The following POLR2F variants were observed in gnomAD, a reference collection of about 807,000 sequenced individuals.
POLR2F encodes the protein DNA-directed RNA polymerases I, II, and III subunit RPABC2.
A neutral mutation model predicts 22.7 loss-of-function variants in POLR2F; 12 were observed. The ratio of observed to expected loss-of-function variants is 0.53; its 90% CI spans 0.34 to 0.86. The LOEUF (loss-of-function observed/expected upper bound fraction) is 0.86, where lower values mean the gene tolerates loss of function less well. Among genes scored for constraint, POLR2F ranks in the 40% least tolerant of loss-of-function variants. POLR2F has a pLI of 0.02. For synonymous variants in POLR2F, 57 were observed against 66.0 expected (o/e 0.86, Z 0.66); for missense variants, 126 against 171.5 (o/e 0.73, Z 1.48).
chr22:37,978,032 G>A lies in POLR2F; in HGVS notation c.293+10862G>A, dbSNP rs1932277071. 1.9e-6 allele frequency: 3 copies of A among 1,610,866 alleles called. No individual in the cohort carries two copies. The highest frequency in any genetic ancestry group is 2.5e-6 in the Non-Finnish European group (3 of 1,179,246). On this transcript the variant is annotated intron_variant, in intron 4 of 4. Transcript: ENST00000405557. This position sits in a 1 kb window ranked among gnomAD's most constrained non-coding sequence, Gnocchi z 5.0. ...CCCTGGGCGGCCTTCCCGTTCTTCCGCCGCCTGGGCTGGTACTTGTAGTCC... is the reference window on the plus strand; with the variant it reads ...CCCTGGGCGGCCTTCCCGTTCTTCCACCGCCTGGGCTGGTACTTGTAGTCC...
At chr22:38,015,549 C>G (rs971796760) in intron 1 of POLR2F, among the ~76,000 whole-genome samples, 1 of 152,158 alleles carries the variant, frequency 6.6e-6, no homozygotes, top group East Asian at 1.9e-4. Context: ...TTTTGGGTCC[C>G]CCATCCAAAG....
rs151254240 is a variant in POLR2F, at chr22:37,988,948, G to C, written c.120+2636G>C. On this transcript the variant is annotated intron_variant, in intron 1 of 2. Transcript: ENST00000333418. ...TGCACTGGGAAGGTGGAGGGCCGAC[G>C]GGCACAGGTTAGTGGTCGAGGGCAG... is the stretch of plus-strand genomic sequence containing the variant. 1.1e-3 allele frequency: 164 copies of C among 153,224 alleles called. 1 individual carries two copies. The highest frequency in any genetic ancestry group is 1.4e-3 in the Admixed American group (22 of 15,294). 9.5% of individuals were successfully genotyped at this position (153,224 alleles called of 1,614,324 possible). A position where few individuals can be genotyped will look rare whatever the true frequency, so the allele number is the denominator to read the frequency against.
At chr22:38,020,381 C>T (rs1423389657) in intron 1 of POLR2F, among the ~76,000 whole-genome samples, 1 of 151,788 alleles carries the variant, frequency 6.6e-6, no homozygotes, top group Non-Finnish European at 1.5e-5. Flanking sequence ...TCTCCTCCTT[C>T]AGCTTCCTGA....
intron 3 of POLR2F, among the ~76,000 whole-genome samples, chr22:37,962,117 G>A (rs998660752): frequency 2.6e-5 from 4 of 152,102 alleles, no homozygotes; most frequent in African/African-American, 9.7e-5. Flanking sequence ...TGTAGTCCCA[G>A]CTACTCGGGA....
intron 1 of POLR2F, among the ~76,000 whole-genome samples, chr22:37,996,656 G>A (rs1005596781): frequency 2.0e-5 from 3 of 152,208 alleles, no homozygotes; most frequent in African/African-American, 7.2e-5. Context: ...AGAGCCCTGG[G>A]TGGGACCTGG....
Position 38,004,389 on chromosome 22 carries a change from G to A in POLR2F, c.120+18077G>A, listed in dbSNP as rs549606835. On this transcript the variant is annotated intron_variant, in intron 1 of 2. Transcript: ENST00000333418. ...TTTGAGAACAAGTCAGGCAGTGGCTGGAGTGAAGGACATTGGAAATAGGTG... is the reference window on the plus strand; with the variant it reads ...TTTGAGAACAAGTCAGGCAGTGGCTAGAGTGAAGGACATTGGAAATAGGTG... 2.0e-5 allele frequency among the ~76,000 whole-genome samples: 3 copies of A among 152,270 alleles called. No individual in the cohort carries two copies. In the South Asian group the frequency reaches 6.2e-4, roughly 32 times the overall value.
In POLR2F at chr22:37,965,696, C is replaced by T. The variant is rs567384318; in HGVS notation, c.222-1403C>T. 7.9e-5 allele frequency among the ~76,000 whole-genome samples: 12 copies of T among 152,204 alleles called. No homozygotes were observed. In the East Asian group the frequency reaches 9.6e-4, roughly 12 times the overall value. On this transcript the variant is annotated intron_variant, in intron 3 of 4. Transcript: ENST00000442738. ...TCAGGCTTTTGGGAGTAATATAAAT[C>T]GAAATATTTAGTAATAAAATTAGTA...
In POLR2F at chr22:37,953,724, T is replaced by TTTGCGG; in HGVS notation, c.-64_-63insTTGCGG. On this transcript the variant is annotated 5_prime_UTR_variant, in exon 1 of 5. Transcript: ENST00000442738. Reference sequence around the variant, plus strand: ...AAGCTAGGAGCCGCGCGAGTCGTAGTGTCGCTGTTTGCGGGTCTCCGCGCG... The same window carrying TTTGCGG: ...AAGCTAGGAGCCGCGCGAGTCGTAGTTTGCGGGTCGCTGTTTGCGGGTCTCCGCGCG... 6.3e-7 allele frequency: 1 copy of TTTGCGG among 1,576,956 alleles called. No individual in the cohort carries two copies. The highest frequency in any genetic ancestry group is 1.9e-5 in the Admixed American group (1 of 53,908).
intron 3 of POLR2F, among the ~76,000 whole-genome samples, chr22:37,964,933 C>T (rs1363141089): frequency 6.6e-6 from 1 of 152,096 alleles, no homozygotes; most frequent in African/African-American, 2.4e-5. Context: ...CTTTAGTGCT[C>T]TTTCCACTTA....
intron 1 of POLR2F, among the ~76,000 whole-genome samples, chr22:38,025,090 T>C (rs1199800640): frequency 6.6e-6 from 1 of 152,114 alleles, no homozygotes; most frequent in Non-Finnish European, 1.5e-5. Flanking sequence ...TGTCTCCTGG[T>C]GTCCTGGTCC....
At chr22:37,990,034 C>T (rs1434776678) in intron 1 of POLR2F, among the ~76,000 whole-genome samples, 1 of 152,206 alleles carries the variant, frequency 6.6e-6, no homozygotes, top group Non-Finnish European at 1.5e-5. Context: ...CCTTACTGAA[C>T]AGCCTGGAGG....
rs958435220 is a variant in POLR2F, at chr22:38,017,342, T to C, written c.121-8527T>C. 3.6e-4 allele frequency among the ~76,000 whole-genome samples: 55 copies of C among 152,094 alleles called. No homozygotes were observed. The highest frequency in any genetic ancestry group is 1.2e-3 in the African/African-American group (51 of 41,402). On this transcript the variant is annotated intron_variant, in intron 1 of 2. Coordinates refer to the POLR2F transcript ENST00000333418. This position sits in a 1 kb window ranked among gnomAD's most constrained non-coding sequence, Gnocchi z 4.1. ...CCCTGAACTGCCCCCAGAGTGATCA[T>C]GCTCAATGTCAGCTTGGCTCTTGGG... is the stretch of plus-strand genomic sequence containing the variant.
At chr22:37,954,552 C>A (rs1482180019) in intron 1 of POLR2F, among the ~76,000 whole-genome samples, 1 of 152,158 alleles carries the variant, frequency 6.6e-6, no homozygotes. Flanking sequence ...CCACCCGCCT[C>A]GGCCTCCCAA....
rs1196296509 is a variant in POLR2F, at chr22:37,986,195, G to T, written c.5G>T (p.Trp2Leu). The change falls in exon 1 of 3, where the codon TGG (tryptophan) becomes TTG (leucine). Residue 2 changes from tryptophan to leucine, a missense_variant. Transcript: ENST00000333418. This position sits in a 1 kb window ranked among gnomAD's most constrained non-coding sequence, Gnocchi z 4.7. ...GAACCGCCCGGAGAGGAGCCGCCCT[G>T]GATGGACAGAGGGACGAGGGACGAG... is the stretch of plus-strand genomic sequence containing the variant. 1.3e-6 allele frequency: 2 copies of T among 1,542,954 alleles called. No homozygotes were observed. The highest frequency in any genetic ancestry group is 1.7e-6 in the Non-Finnish European group (2 of 1,147,654).
rs1232121796 is a variant in POLR2F at position 37,986,539 on chromosome 22, G to A, written c.120+227G>A. 3.8e-6 allele frequency: 4 copies of A among 1,057,106 alleles called. No individual in the cohort carries two copies. In the Admixed American group the frequency reaches 6.0e-5, roughly 16 times the overall value. 65.5% of individuals were successfully genotyped at this position (1,057,106 alleles called of 1,614,324 possible). On this transcript the variant is annotated intron_variant, in intron 1 of 2. Transcript: ENST00000333418. This position sits in a 1 kb window ranked among gnomAD's most constrained non-coding sequence, Gnocchi z 4.7. ...CTCCTTGGTCCAGCTGTGCCAGGAT[G>A]GGGGTGGGGGTAGCAGTGGGCACGC...
chr22:38,029,587 G>A (rs901003903), downstream of POLR2F, among the ~76,000 whole-genome samples: 7 of 152,200 alleles, frequency 4.6e-5, no homozygotes, highest in Non-Finnish European at 8.8e-5. Context: ...AGGATGCAGA[G>A]GAGTTTGAGA....
chr22:38,041,262 G>A (rs925679559), downstream of POLR2F: 25 of 1,174,322 alleles, frequency 2.1e-5, no homozygotes, highest in Non-Finnish European at 2.9e-5. Context: ...GGCACAGGGG[G>A]AGGGAGGTTT....
chr22:38,038,833 G>T (rs1194117849), intron 5 of POLR2F, among the ~76,000 whole-genome samples: 3 of 150,530 alleles, frequency 2.0e-5, no homozygotes, highest in African/African-American at 7.3e-5. Context: ...TGACCGTGGC[G>T]GCCGCGGCGC....
chr22:37,967,239 C>G, intron 4 of POLR2F, 69 bp downstream of exon 4: 1 of 1,600,598 alleles, frequency 6.2e-7, no homozygotes, highest in South Asian at 1.1e-5. Context: ...CTCTGTTGCA[C>G]CCTTTGCTCC....
Sources: allele counts gnomAD v4.1 joint callset (sites outside exome capture counted in the v4.1 genomes callset), GRCh38; gene constraint gnomAD v4.1.1; non-coding constraint Gnocchi (gnomAD v3.1); transcripts MANE v1.5; gene names NCBI Gene and HGNC (gene_info 2026-07-23, HGNC 2026-07-21).